MYO18B: variants seen among roughly 807,000 people sequenced by gnomAD.
MYO18B encodes myosin XVIIIB.
A neutral mutation model predicts 273.0 loss-of-function variants in MYO18B; 204 were observed. The ratio of observed to expected loss-of-function variants is 0.75; its 90% CI spans 0.67 to 0.84. The LOEUF (loss-of-function observed/expected upper bound fraction) is 0.84, where lower values mean the gene tolerates loss of function less well. Ranked by LOEUF, MYO18B falls within the 40% of genes least tolerant of loss-of-function variation. The pLI, the probability that MYO18B is intolerant of heterozygous loss-of-function variation, is 0.00. For missense variants in MYO18B, 3,212 were observed against 3,287.6 expected (o/e 0.98, Z 0.56); for synonymous variants, 1,330 against 1,305.7 (o/e 1.02, Z -0.40).
chr22:26,035,442 A>C (rs563859854), downstream of MYO18B, among the ~76,000 whole-genome samples: 1 of 152,284 alleles, frequency 6.6e-6, no homozygotes, highest in African/African-American at 2.4e-5. Flanking sequence ...TCAGGAATGC[A>C]ATTGGGGCTG....
At chr22:25,863,279 A>C (rs1000329890) in intron 21 of MYO18B, among the ~76,000 whole-genome samples, 2 of 152,158 alleles carry the variant, frequency 1.3e-5, no homozygotes, top group African/African-American at 2.4e-5. Flanking sequence ...ACATACTTAT[A>C]ATAGCTGTTT....
intron 34 of MYO18B, among the ~76,000 whole-genome samples, chr22:25,931,317 A>G (rs932878159): frequency 6.6e-6 from 1 of 152,232 alleles, no homozygotes; most frequent in Non-Finnish European, 1.5e-5. Context: ...GTTTCATTAT[A>G]GGCAAGAAGG....
chr22:26,004,813 C>T lies in MYO18B; in HGVS notation c.6428C>T (p.Pro2143Leu), dbSNP rs766223723. 2 of 1,613,690 alleles carry T rather than the reference C, an allele frequency of 1.2e-6. No individual in the cohort carries two copies. The highest frequency in any genetic ancestry group is 1.7e-6 in the Non-Finnish European group (2 of 1,179,754). The change falls in exon 42 of 44, where the codon CCT becomes CTT. Residue 2143 changes from proline (P) to leucine (L), a missense_variant. Transcript: ENST00000335473. ...CTGGCCACAGATACTATGAGGACTC[C>T]TTCTCGACAGTCAGCCACCAGCAGC... ...LSLATDTMRT[P>L]SRQSATSSRI... is the part of the protein sequence containing the mutation.
intron 21 of MYO18B, among the ~76,000 whole-genome samples, chr22:25,857,289 G>A (rs990053895): frequency 3.9e-5 from 6 of 152,198 alleles, no homozygotes; most frequent in African/African-American, 1.4e-4. Context: ...TCGATGTGAG[G>A]AAACCCTTGG....
At chr22:25,998,388 T>G (rs910545267) in intron 40 of MYO18B, among the ~76,000 whole-genome samples, 2 of 152,130 alleles carry the variant, frequency 1.3e-5, no homozygotes, top group Non-Finnish European at 2.9e-5. Flanking sequence ...TTGGGCGAGA[T>G]GTAGAGAGGT....
intron 1 of MYO18B, 114 bp from the exon 2 acceptor site, chr22:25,760,870 T>G (rs1225095376): frequency 5.0e-6 from 3 of 601,274 alleles, no homozygotes; most frequent in Non-Finnish European, 9.0e-6. Context: ...TACCTGACTG[T>G]GCCCATTCCC....
intron 21 of MYO18B, among the ~76,000 whole-genome samples, chr22:25,860,944 A>G (rs929598733): frequency 6.6e-6 from 1 of 151,254 alleles, no homozygotes; most frequent in Non-Finnish European, 1.5e-5. Context: ...GCTGGAGTGC[A>G]GTGGCACGAT....
At chr22:25,800,850 A>G (rs1057316644) in intron 12 of MYO18B, among the ~76,000 whole-genome samples, 1 of 152,226 alleles carries the variant, frequency 6.6e-6, no homozygotes, top group Non-Finnish European at 1.5e-5. Flanking sequence ...GCATCTGATG[A>G]TAAGAGAAAG....
At chr22:25,848,728 C>G (rs933155400) in intron 20 of MYO18B, among the ~76,000 whole-genome samples, 1 of 152,038 alleles carries the variant, frequency 6.6e-6, no homozygotes, top group Non-Finnish European at 1.5e-5. Flanking sequence ...TCTTTTCTGC[C>G]TCTCAGTCTC....
chr22:25,790,532 A>G (rs932070793), intron 11 of MYO18B, among the ~76,000 whole-genome samples: 2 of 152,094 alleles, frequency 1.3e-5, no homozygotes, highest in African/African-American at 4.8e-5. Flanking sequence ...CCTAAGTTCC[A>G]TGAGGGTGGG....
chr22:25,917,019 G>A (rs898992081), intron 33 of MYO18B, among the ~76,000 whole-genome samples: 4 of 152,124 alleles, frequency 2.6e-5, no homozygotes, highest in African/African-American at 9.7e-5. Flanking sequence ...GTGACAGAGC[G>A]AGACCTTGTC....
chr22:25,828,736 A>C lies in MYO18B; in HGVS notation c.2787-40A>C, dbSNP rs774999805. 10 of 1,582,416 alleles carry C rather than the reference A, an allele frequency of 6.3e-6. No individual in the cohort carries two copies. In the South Asian group the frequency reaches 1.1e-4, roughly 18 times the overall value. On this transcript the variant is annotated intron_variant, in intron 14 of 43. Transcript: ENST00000335473. ...TTGGATCAGTGTGCTCCTAGATTCC[A>C]TGCCATCTCAGACATTCCACCTCTC...
chr22:25,951,471 T>C (rs539016565), intron 37 of MYO18B, among the ~76,000 whole-genome samples: 7 of 152,196 alleles, frequency 4.6e-5, no homozygotes, highest in Non-Finnish European at 1.0e-4. Context: ...GCGTGCCCCA[T>C]GCACTGAGAT....
chr22:25,752,345 G>A (rs758787206), intron 1 of MYO18B, among the ~76,000 whole-genome samples: 3 of 150,430 alleles, frequency 2.0e-5, no homozygotes, highest in Non-Finnish European at 4.4e-5. Flanking sequence ...CCGCCACTAC[G>A]CCCGGCTAAT....
rs2091658229 is a variant in MYO18B, at chr22:25,891,407, G to A, written c.4538G>A (p.Gly1513Glu). The A allele has an allele frequency of 6.4e-7, 1 of 1,569,890 alleles. No homozygotes were observed. The highest frequency in any genetic ancestry group is 8.7e-7 in the Non-Finnish European group (1 of 1,154,580). ...QLNDLERNPT[G>E]GADEWQMRFD... ...AATGACTTGGAAAGGAATCCCACTG[G>A]AGGAGGTGAGCAGCCTGGGACCCTT... Residue 1513 changes from glycine (G) to glutamate (E), a missense_variant, in exon 27 of 44, where the codon GGA (glycine) becomes GAA (glutamate). Coordinates refer to ENST00000335473, the MANE Select transcript of MYO18B (RefSeq NM_032608.7).
At chr22:25,976,295 C>T (rs949092559) in intron 39 of MYO18B, among the ~76,000 whole-genome samples, 3 of 152,150 alleles carry the variant, frequency 2.0e-5, no homozygotes, top group African/African-American at 7.2e-5. Flanking sequence ...AATAAAAATC[C>T]ACCCAGAACC....
At chr22:25,783,358 AG>A (rs1471208719) in intron 10 of MYO18B, among the ~76,000 whole-genome samples, 1 of 152,250 alleles carries the variant, frequency 6.6e-6, no homozygotes, top group African/African-American at 2.4e-5. Flanking sequence ...ATGTCAAGGC[AG>A]CAGGGGCCAT....
chr22:25,878,803 C>T (rs951269521), intron 25 of MYO18B, among the ~76,000 whole-genome samples: 10 of 152,222 alleles, frequency 6.6e-5, no homozygotes, highest in Non-Finnish European at 1.0e-4. Context: ...TTGATCTCAT[C>T]ACTCTTGAAC....
chr22:26,052,071 G>A, the MYO18B span, among the ~76,000 whole-genome samples: 6 of 152,326 alleles, frequency 3.9e-5, 1 homozygote, highest in South Asian at 1.0e-3. Flanking sequence ...GAGGTCATTT[G>A]TGGAAGGAAT....
Sources: gnomAD v4.1 joint callset for allele counts (sites outside exome capture counted in the v4.1 genomes callset) on GRCh38, gnomAD v4.1.1 for gene constraint, MANE v1.5 for transcripts, NCBI Gene and HGNC (gene_info 2026-07-23, HGNC 2026-07-21) for gene names.